SLC47A2: variants seen among roughly 807,000 people sequenced by gnomAD.
SLC47A2 encodes the protein multidrug and toxin extrusion protein 2.
SLC47A2 carries 52 observed loss-of-function variants against 67.7 expected under a neutral mutation model. The observed-to-expected ratio is 0.77, with a 90% CI of 0.61 to 0.97. SLC47A2 has a LOEUF of 0.97. Ranked by LOEUF, SLC47A2 falls within the 50% of genes least tolerant of loss-of-function variation. SLC47A2 has a pLI of 0.00. For synonymous variants in SLC47A2, 278 were observed against 292.9 expected (o/e 0.95, Z 0.52); for missense variants, 676 against 712.3 (o/e 0.95, Z 0.58).
intron 13 of SLC47A2, among the ~76,000 whole-genome samples, chr17:19,694,842 G>A (rs985309232): frequency 6.0e-5 from 9 of 150,290 alleles, no homozygotes; most frequent in African/African-American, 2.0e-4. Context: ...CTTGAACCCG[G>A]GAGGCAGAGG....
chr17:19,702,336 G>T (rs1025051110), intron 13 of SLC47A2: 1 of 985,340 alleles, frequency 1.0e-6, no homozygotes, highest in African/African-American at 1.7e-5. Flanking sequence ...GGAAGAAAAA[G>T]ATTTGTGGCT....
At chr17:19,681,992 A>G (rs1014047120) in intron 13 of SLC47A2, among the ~76,000 whole-genome samples, 1 of 152,218 alleles carries the variant, frequency 6.6e-6, no homozygotes, top group African/African-American at 2.4e-5. Flanking sequence ...AGACTGGACT[A>G]ACTTCACATG....
At position 19,685,221 on chromosome 17, in the gene SLC47A2, T is replaced by C. The variant is rs2085401517; in HGVS notation, c.1165-3551A>G. On this transcript the variant is annotated intron_variant, in intron 13 of 16. Transcript: ENST00000433844. This position sits in a 1 kb window ranked among gnomAD's most constrained non-coding sequence, Gnocchi z 4.5. ...ACCTCCATCTCCCAGCTGCCTGCCT[T>C]GGCCTCCCAAAGTGCTAAGATTACA... 6.6e-6 allele frequency among the ~76,000 whole-genome samples: 1 copy of C among 152,098 alleles called. No homozygotes were observed. The highest frequency in any genetic ancestry group is 2.4e-5 in the African/African-American group (1 of 41,432).
intron 8 of SLC47A2, among the ~76,000 whole-genome samples, chr17:19,707,146 GGAAACAC>G (rs1365498837): frequency 7.9e-5 from 12 of 152,044 alleles, no homozygotes; most frequent in Non-Finnish European, 1.6e-4. Context: ...GATGCTGAAG[GGAAACAC>G]ACCACAGGTG....
chr17:19,690,727 A>G lies in SLC47A2; in HGVS notation c.1165-9057T>C, dbSNP rs538701391. Among the ~76,000 whole-genome samples, 301 of 152,342 alleles carry G rather than the reference A, an allele frequency of 2.0e-3. 1 individual carries two copies. Among genetic ancestry groups the G allele is most frequent in the African/African-American group, 6.8e-3 (284 of 41,578 alleles). On this transcript the variant is annotated intron_variant, in intron 13 of 16. Coordinates refer to ENST00000433844, the MANE Select transcript of SLC47A2 (RefSeq NM_001099646.3). Reference sequence around the variant, plus strand: ...ACATCACTGATCGTTAGAGAAATGCACATCAAAACTACAATGAGATATCAT... The same window carrying G: ...ACATCACTGATCGTTAGAGAAATGCGCATCAAAACTACAATGAGATATCAT...
Position 19,699,582 on chromosome 17 carries a change from T to C in SLC47A2, c.1164+3023A>G, listed in dbSNP as rs551499939. ...TCCCCCAGCTAATTTTTAAAAACTT[T>C]TGTAGAGATAGGGTCTCCCTATGTT... On this transcript the variant is annotated intron_variant, in intron 13 of 16. Transcript: ENST00000433844. Among the ~76,000 whole-genome samples, 18 of 152,088 alleles carry C rather than the reference T, an allele frequency of 1.2e-4. 1 individual carries two copies. Among genetic ancestry groups the C allele is most frequent in the African/African-American group, 3.9e-4 (16 of 41,472 alleles).
intron 15 of SLC47A2, among the ~76,000 whole-genome samples, chr17:19,680,812 G>A (rs1364797749): frequency 6.6e-6 from 1 of 152,182 alleles, no homozygotes; most frequent in Admixed American, 6.5e-5. Context: ...CACAGATGGG[G>A]CTGTCTAAGG....
chr17:19,679,986 G>T lies in SLC47A2; in HGVS notation c.1446C>A (p.Thr482=), dbSNP rs748646423. The T allele has an allele frequency of 1.2e-6, 2 of 1,613,916 alleles. No individual in the cohort carries two copies. The highest frequency in any genetic ancestry group is 1.7e-5 in the Admixed American group (1 of 59,976). Residue 482 remains threonine (T), a synonymous_variant, in exon 16 of 17, where the codon ACC becomes ACA. Coordinates refer to ENST00000433844, the MANE Select transcript of SLC47A2 (RefSeq NM_001099646.3). ...GGACTGCTTTCTCAGGCCCAGGTCT[G>T]GTTGCAGTGCTCTCTGCTCTCTGCT... is the stretch of plus-strand genomic sequence containing the variant. ...QQQQRAESTA[T]RPGPEKAVLS...
intron 16 of SLC47A2, among the ~76,000 whole-genome samples, chr17:19,679,669 TAC>T (rs974744704): frequency 2.0e-5 from 3 of 151,922 alleles, no homozygotes; most frequent in African/African-American, 7.3e-5. Context: ...AGGGAGGAAA[TAC>T]CTAAGTTCTT....
chr17:19,695,858 G>A (rs1419532101), intron 13 of SLC47A2, among the ~76,000 whole-genome samples: 1 of 151,718 alleles, frequency 6.6e-6, no homozygotes, highest in South Asian at 2.1e-4. Flanking sequence ...TGAGTAGCTG[G>A]GATTACAGGT....
chr17:19,711,588 C>CAAAA (rs35308426), intron 5 of SLC47A2, among the ~76,000 whole-genome samples: 112 of 33,022 alleles, frequency 3.4e-3, no homozygotes, highest in African/African-American at 8.0e-3. Flanking sequence ...AACTCCGTCT[C>CAAAA]AAAAAAAAAA....
chr17:19,689,621 C>T (rs1004659610), intron 13 of SLC47A2, among the ~76,000 whole-genome samples: 7 of 150,784 alleles, frequency 4.6e-5, no homozygotes, highest in Non-Finnish European at 1.0e-4. Flanking sequence ...CACCTGAGCT[C>T]AGGAGGTCAA....
rs1280510032 is a variant in SLC47A2 at position 19,685,695 on chromosome 17, C to T, written c.1165-4025G>A. 6.6e-6 allele frequency among the ~76,000 whole-genome samples: 1 copy of T among 152,176 alleles called. No homozygotes were observed. The highest frequency in any genetic ancestry group is 1.5e-5 in the Non-Finnish European group (1 of 68,038). Reference sequence around the variant, plus strand: ...CCGCAGGGACCTCTGCCTAGGAAAACCAGAGACCTTTGTTCTGGTGTTTAT... The same window carrying T: ...CCGCAGGGACCTCTGCCTAGGAAAATCAGAGACCTTTGTTCTGGTGTTTAT... On this transcript the variant is annotated intron_variant, in intron 13 of 16. Coordinates refer to ENST00000433844, the MANE Select transcript of SLC47A2 (RefSeq NM_001099646.3). The surrounding 1 kb of genome is among the most constrained non-coding windows in gnomAD (Gnocchi z 4.5).
At chr17:19,702,367 A>T (rs1261158759) in intron 13 of SLC47A2, 5 of 985,320 alleles carry the variant, frequency 5.1e-6, no homozygotes, top group Admixed American at 1.2e-4. Flanking sequence ...GCAATTTTTC[A>T]GTTCTTTGCT....
At chr17:19,684,835 C>T (rs913607754) in intron 13 of SLC47A2, among the ~76,000 whole-genome samples, 18 of 152,224 alleles carry the variant, frequency 1.2e-4, no homozygotes, top group South Asian at 4.1e-4. Flanking sequence ...CTCTCCCTCC[C>T]GCTCTTGCTC....
In SLC47A2 at chr17:19,704,190, G is replaced by GA; in HGVS notation, c.910-13dup. The GA allele has an allele frequency of 6.3e-7, 1 of 1,598,240 alleles. No homozygotes were observed. The highest frequency in any genetic ancestry group is 1.1e-5 in the South Asian group (1 of 88,618). ...AGCCCCAAGGGAATCTGGGATCAAAGATAAGAAAGCACTGTCAGTGGGCCC... is the reference window on the plus strand; with the variant it reads ...AGCCCCAAGGGAATCTGGGATCAAAGAATAAGAAAGCACTGTCAGTGGGCCC... On this transcript the variant is annotated splice_polypyrimidine_tract_variant and intron_variant, in intron 10 of 16. Transcript: ENST00000433844.
intron 13 of SLC47A2, among the ~76,000 whole-genome samples, chr17:19,696,012 C>G (rs1463376229): frequency 6.6e-6 from 1 of 151,628 alleles, no homozygotes; most frequent in East Asian, 2.0e-4. Context: ...GTGTGAGCCA[C>G]TGTGTCTGGC....
rs909818067 is a variant in SLC47A2 at position 19,678,763 on chromosome 17, G to T, written c.1624C>A (p.Arg542Ser). The change falls in exon 17 of 17, where the codon CGT becomes AGT. Residue 542 changes from arginine to serine, a missense_variant. By Grantham distance (110) the Arg-to-Ser change is moderately radical. Transcript: ENST00000433844. ...RLSVKQLVIR[R>S]GAALGAASAT... The stretch of plus-strand genomic sequence containing the variant: ...GACGCCGCCCCCAGAGCAGCCCCAC[G>T]GCGGATGACCAGCTGTTTCACTGAT... The T allele has an allele frequency of 1.9e-6, 3 of 1,614,098 alleles. No individual in the cohort carries two copies. The highest frequency in any genetic ancestry group is 2.5e-6 in the Non-Finnish European group (3 of 1,180,028).
In SLC47A2 at chr17:19,704,163, T is replaced by G; in HGVS notation, c.925A>C (p.Ser309Arg). The change falls in exon 11 of 17, where the codon AGC (serine) becomes CGC (arginine). Residue 309 changes from serine to arginine, a missense_variant. Transcript: ENST00000433844. The stretch of plus-strand genomic sequence containing the variant: ...CCCACTCGGACACAGACCCCGATGC[T>G]GAGCCCCAAGGGAATCTGGGATCAA... ...TVTYMIPLGL[S>R]IGVCVRVGMA... is the part of the protein sequence containing the mutation. The G allele has an allele frequency of 6.2e-7, 1 of 1,609,038 alleles. No individual in the cohort carries two copies. The highest frequency in any genetic ancestry group is 2.2e-5 in the East Asian group (1 of 44,752).
Sources: allele counts gnomAD v4.1 joint callset (sites outside exome capture counted in the v4.1 genomes callset), GRCh38; gene constraint gnomAD v4.1.1; non-coding constraint Gnocchi (gnomAD v3.1); transcripts MANE v1.5; gene names NCBI Gene and HGNC (gene_info 2026-07-23, HGNC 2026-07-21).